The following PHACTR2 variants were observed in gnomAD, a reference collection of about 807,000 sequenced individuals.
The protein encoded by PHACTR2 is chromosome 6 open reading frame 56.
In PHACTR2, 30 loss-of-function variants were observed where a neutral mutation model predicts 76.0. The ratio of observed to expected loss-of-function variants is 0.39; its 90% CI spans 0.30 to 0.54. PHACTR2 has a LOEUF of 0.54. Among genes scored for constraint, PHACTR2 ranks in the 20% least tolerant of loss-of-function variants. PHACTR2 has a pLI of 0.61. For missense variants in PHACTR2, 696 were observed against 781.1 expected, an observed-to-expected ratio of 0.89 and a Z score of 1.30; for synonymous variants, 292 against 292.5, an observed-to-expected ratio of 1.00 and a Z score of 0.02.
At position 143,591,953 on chromosome 6, in the gene PHACTR2, C is replaced by A. The variant is rs1775696577; in HGVS notation, c.217+54746C>A. Among the ~76,000 whole-genome samples the A allele has an allele frequency of 6.6e-6, 1 of 152,178 alleles. No individual in the cohort carries two copies. The highest frequency in any genetic ancestry group is 1.5e-5 in the Non-Finnish European group (1 of 68,046). On this transcript the variant is annotated intron_variant, in intron 1 of 11. Transcript: ENST00000367584. The surrounding 1 kb of genome is among the most constrained non-coding windows in gnomAD (Gnocchi z 6.4). ...ATTGAAGGCAGATTGTACTTCTGGT[C>A]TTCCTAGACCCGAGGGTTAGCCTGG...
intron 1 of PHACTR2, among the ~76,000 whole-genome samples, chr6:143,649,988 A>T (rs1776729830): frequency 6.6e-6 from 1 of 152,266 alleles, no homozygotes; most frequent in South Asian, 2.1e-4. Flanking sequence ...CAACTTCAGC[A>T]AAGTCTCAGG....
chr6:143,596,105 T>C lies in PHACTR2; in HGVS notation c.217+58898T>C, dbSNP rs1344377655. ...TTTACTAATCATTATGCTTATTAAG[T>C]AATTTAACTATCTCAAATGAATTAC... On this transcript the variant is annotated intron_variant, in intron 1 of 11. Transcript: ENST00000367584. This position sits in a 1 kb window ranked among gnomAD's most constrained non-coding sequence, Gnocchi z 4.6. Among the ~76,000 whole-genome samples, 1 of 152,230 alleles carries C rather than the reference T, an allele frequency of 6.6e-6. No homozygotes were observed. The highest frequency in any genetic ancestry group is 1.5e-5 in the Non-Finnish European group (1 of 68,044).
chr6:143,668,942 A>T (rs1582752975), intron 1 of PHACTR2, among the ~76,000 whole-genome samples: 2 of 152,064 alleles, frequency 1.3e-5, no homozygotes, highest in East Asian at 3.9e-4. Context: ...TTGCTTCTCT[A>T]GTTCTTTTAA....
In PHACTR2 at chr6:143,662,966, G is replaced by A. The variant is rs1232810572; in HGVS notation, c.14-49050G>A. On this transcript the variant is annotated intron_variant, in intron 1 of 11. Coordinates refer to the PHACTR2 transcript ENST00000305766. The surrounding 1 kb of genome is among the most constrained non-coding windows in gnomAD (Gnocchi z 4.7). ...TTATAAGTGAGAATATGTGATATTTGGTTTTCTGTTCCTGTATTAATTTGC... is the reference window on the plus strand; with the variant it reads ...TTATAAGTGAGAATATGTGATATTTAGTTTTCTGTTCCTGTATTAATTTGC... 2.0e-5 allele frequency among the ~76,000 whole-genome samples: 3 copies of A among 152,090 alleles called. No individual in the cohort carries two copies. Among genetic ancestry groups the A allele is most frequent in the Non-Finnish European group, 4.4e-5 (3 of 68,014 alleles).
At chr6:143,545,998 AC>A (rs1774989785) in intron 1 of PHACTR2, among the ~76,000 whole-genome samples, 1 of 152,210 alleles carries the variant, frequency 6.6e-6, no homozygotes, top group Non-Finnish European at 1.5e-5. Flanking sequence ...TTAATCTAAA[AC>A]AACTCAGTTT....
rs1776099363 is a variant in PHACTR2, at chr6:143,807,947, C to T, written c.1922+814C>T. Reference sequence around the variant, plus strand: ...GCTGTATAACCTCCAACTTTAACAGCAAACTTCCCTGAAATTGATGGGGGA... The same window carrying T: ...GCTGTATAACCTCCAACTTTAACAGTAAACTTCCCTGAAATTGATGGGGGA... On this transcript the variant is annotated intron_variant, in intron 12 of 12. Coordinates refer to ENST00000440869, the MANE Select transcript of PHACTR2 (RefSeq NM_001100164.2). This position sits in a 1 kb window ranked among gnomAD's most constrained non-coding sequence, Gnocchi z 5.5. Among the ~76,000 whole-genome samples the T allele has an allele frequency of 6.6e-6, 1 of 152,106 alleles. No individual in the cohort carries two copies. The highest frequency in any genetic ancestry group is 2.1e-4 in the South Asian group (1 of 4,822).
intron 9 of PHACTR2, among the ~76,000 whole-genome samples, chr6:143,781,224 G>A (rs939149822): frequency 1.3e-5 from 2 of 152,284 alleles, no homozygotes; most frequent in African/African-American, 4.8e-5. Context: ...AAAACTTAAA[G>A]AAATCAGTTT....
At position 143,753,823 on chromosome 6, in the gene PHACTR2, G is replaced by A. The variant is rs558701568; in HGVS notation, c.365G>A (p.Arg122Gln). 2.7e-5 allele frequency: 43 copies of A among 1,613,060 alleles called. No individual in the cohort carries two copies. The South Asian group carries it at 3.6e-4, about 14-fold the overall frequency. Residue 122 changes from arginine to glutamine, a missense_variant, in exon 4 of 13, where the codon CGA becomes CAA. Transcript: ENST00000440869. The surrounding 1 kb of genome is among the most constrained non-coding windows in gnomAD (Gnocchi z 4.6). ...HMIPIGEEST[R>Q]EENVVKSEEG... Reference sequence around the variant, plus strand: ...ATACCCATCGGAGAGGAATCTACCCGAGAGGAAAATGTAGTAAAGTCTGAA... The same window carrying A: ...ATACCCATCGGAGAGGAATCTACCCAAGAGGAAAATGTAGTAAAGTCTGAA...
At chr6:143,813,020 TTC>T (rs1393291230) in intron 12 of PHACTR2, among the ~76,000 whole-genome samples, 3 of 152,350 alleles carry the variant, frequency 2.0e-5, no homozygotes, top group East Asian at 1.9e-4. Flanking sequence ...TGGATATTTA[TTC>T]TCTGTTTTCC....
At chr6:143,615,029 T>A (rs1776039348) in intron 1 of PHACTR2, among the ~76,000 whole-genome samples, 1 of 152,234 alleles carries the variant, frequency 6.6e-6, no homozygotes, top group Non-Finnish European at 1.5e-5. Context: ...ATGTCAAATG[T>A]CTTAAAAGGA....
At position 143,581,369 on chromosome 6, in the gene PHACTR2, A is replaced by G. The variant is rs1775570410; in HGVS notation, c.217+44162A>G. ...CCCAGCACTTTGGGAGGTCAAGACA[A>G]GGAAGGAGGTGAGCTGACAGATGTG... On this transcript the variant is annotated intron_variant, in intron 1 of 11. Coordinates refer to the PHACTR2 transcript ENST00000367584. This position sits in a 1 kb window ranked among gnomAD's most constrained non-coding sequence, Gnocchi z 4.5. Among the ~76,000 whole-genome samples, 1 of 151,908 alleles carries G rather than the reference A, an allele frequency of 6.6e-6. No homozygotes were observed. Among genetic ancestry groups the G allele is most frequent in the Non-Finnish European group, 1.5e-5 (1 of 67,944 alleles).
chr6:143,772,648 G>A lies in PHACTR2; in HGVS notation c.1432+191G>A, dbSNP rs2128475420. On this transcript the variant is annotated intron_variant, in intron 7 of 12. Transcript: ENST00000440869. The surrounding 1 kb of genome is among the most constrained non-coding windows in gnomAD (Gnocchi z 5.4). ...ATGGGAGGCCTTTCCAGAAGATGAT[G>A]TCACATGGCTGGATCTGGCCTTTGT... Among the ~76,000 whole-genome samples the A allele has an allele frequency of 6.6e-6, 1 of 152,302 alleles. No individual in the cohort carries two copies. Among genetic ancestry groups the A allele is most frequent in the Middle Eastern group, 3.4e-3 (1 of 294 alleles).
intron 11 of PHACTR2, among the ~76,000 whole-genome samples, chr6:143,802,411 G>A (rs550070427): frequency 7.5e-4 from 114 of 152,064 alleles, no homozygotes; most frequent in African/African-American, 2.7e-3. Flanking sequence ...AGGCCAAGGC[G>A]GGAGGATTGC....
At position 143,621,534 on chromosome 6, in the gene PHACTR2, T is replaced by G. The variant is rs1776154189; in HGVS notation, c.13+13212T>G. Among the ~76,000 whole-genome samples the G allele has an allele frequency of 6.6e-6, 1 of 152,182 alleles. No homozygotes were observed. Among genetic ancestry groups the G allele is most frequent in the African/African-American group, 2.4e-5 (1 of 41,418 alleles). Reference sequence around the variant, plus strand: ...ATTAAATTGCAACTCTTTCTTATATTTAATCACATTTACTGGCTTTCTCAA... The same window carrying G: ...ATTAAATTGCAACTCTTTCTTATATGTAATCACATTTACTGGCTTTCTCAA... On this transcript the variant is annotated intron_variant, in intron 1 of 11. Transcript: ENST00000305766. The surrounding 1 kb of genome is among the most constrained non-coding windows in gnomAD (Gnocchi z 4.1).
chr6:143,797,561 C>A (rs1162701683), intron 11 of PHACTR2, among the ~76,000 whole-genome samples: 1 of 152,118 alleles, frequency 6.6e-6, no homozygotes, highest in Non-Finnish European at 1.5e-5. Context: ...ACATTTAAGT[C>A]TTTGATCCAT....
chr6:143,680,819 A>G lies in PHACTR2; in HGVS notation c.46+2610A>G, dbSNP rs1328665779. ...CTAATCAACTTTTCTGTCTCTATAG[A>G]TTTTCTTATTGAGAACATTTCATGT... On this transcript the variant is annotated intron_variant, in intron 1 of 12. Transcript: ENST00000440869. This position sits in a 1 kb window ranked among gnomAD's most constrained non-coding sequence, Gnocchi z 4.5. 6.6e-6 allele frequency among the ~76,000 whole-genome samples: 1 copy of G among 151,884 alleles called. No individual in the cohort carries two copies. The highest frequency in any genetic ancestry group is 1.5e-5 in the Non-Finnish European group (1 of 67,954).
intron 2 of PHACTR2, among the ~76,000 whole-genome samples, chr6:143,728,624 G>C (rs769832909): frequency 6.6e-6 from 1 of 152,026 alleles, no homozygotes; most frequent in Admixed American, 6.6e-5. Flanking sequence ...CATGGTATTT[G>C]TATAAAAACA....
rs17072830 is a variant in PHACTR2, at chr6:143,619,630, G to A, written c.13+11308G>A. 0.11 allele frequency among the ~76,000 whole-genome samples: 16,464 copies of A among 152,188 alleles called. 911 individuals are homozygous for A. Among genetic ancestry groups the A allele is most frequent in the African/African-American group, 0.15 (6,099 of 41,504 alleles). ...ACTTACTGTGGAAAGGGACTCGGTA[G>A]CTTTTGTATCATTAACTGAGACTTG... On this transcript the variant is annotated intron_variant, in intron 1 of 11. Transcript: ENST00000305766. This position sits in a 1 kb window ranked among gnomAD's most constrained non-coding sequence, Gnocchi z 4.5.
rs567714505 is a variant in PHACTR2, at chr6:143,538,175, G to T, written c.217+968G>T. Among the ~76,000 whole-genome samples, 4 of 152,296 alleles carry T rather than the reference G, an allele frequency of 2.6e-5. No homozygotes were observed. In the East Asian group the frequency reaches 7.7e-4, roughly 29 times the overall value. ...AGCACCGGCCCATGTGTTCTCAGAG[G>T]CTGCCCTGTGCCCCGTGCACCGGGA... On this transcript the variant is annotated intron_variant, in intron 1 of 11. Coordinates refer to the PHACTR2 transcript ENST00000367584.
Sources: allele counts gnomAD v4.1 joint callset (sites outside exome capture counted in the v4.1 genomes callset), GRCh38; gene constraint gnomAD v4.1.1; non-coding constraint Gnocchi (gnomAD v3.1); transcripts MANE v1.5; gene names NCBI Gene and HGNC (gene_info 2026-07-23, HGNC 2026-07-21).